The following GNB1 variants were observed in gnomAD, a reference collection of about 807,000 sequenced individuals.
GNB1 encodes guanine nucleotide-binding protein G(I)/G(S)/G(T) subunit beta-1.
A neutral mutation model predicts 42.9 loss-of-function variants in GNB1; 2 were observed. The observed-to-expected ratio is 0.05, with a 90% CI of 0.02 to 0.15. The LOEUF is 0.15. GNB1 is among the 10% of genes least tolerant of loss of function. The probability of loss-of-function intolerance (pLI) is 1.00; values close to 1 mark genes in which losing one functional copy is unlikely to be tolerated. For synonymous variants in GNB1, 183 were observed against 174.7 expected, an observed-to-expected ratio of 1.05 and a Z score of -0.38; for missense variants, 193 against 462.2, an observed-to-expected ratio of 0.42 and a Z score of 5.34.
chr1:1,838,720 A>G (rs1002867878), intron 2 of GNB1, among the ~76,000 whole-genome samples: 2 of 152,160 alleles, frequency 1.3e-5, no homozygotes, highest in Non-Finnish European at 1.5e-5. Context: ...CTGGGATTAC[A>G]GGCATCAGCC....
At chr1:1,789,496 C>A (rs1042227806) in intron 9 of GNB1, among the ~76,000 whole-genome samples, 4 of 152,094 alleles carry the variant, frequency 2.6e-5, no homozygotes, top group Non-Finnish European at 4.4e-5. Context: ...AGTTTGAGAC[C>A]AGCCTGACCA....
chr1:1,881,128 C>T (rs1649823253), intron 1 of GNB1, among the ~76,000 whole-genome samples: 1 of 152,136 alleles, frequency 6.6e-6, no homozygotes, highest in African/African-American at 2.4e-5. Context: ...ACTCCTCAAA[C>T]CCAACACACA....
At chr1:1,821,262 G>A (rs1646927235) in intron 3 of GNB1, among the ~76,000 whole-genome samples, 2 of 152,190 alleles carry the variant, frequency 1.3e-5, no homozygotes, top group African/African-American at 4.8e-5. Flanking sequence ...TGCCGCTCCA[G>A]AACACATCTA....
chr1:1,793,158 A>G, intron 8 of GNB1, 87 bp downstream of exon 8: 2 of 761,988 alleles, frequency 2.6e-6, no homozygotes, highest in Non-Finnish European at 4.5e-6. Flanking sequence ...TATTATGTCA[A>G]GAACCTTATT....
intron 1 of GNB1, among the ~76,000 whole-genome samples, chr1:1,864,337 G>GAAAAAA (rs1245850367): frequency 2.2e-5 from 2 of 91,160 alleles, no homozygotes; most frequent in Non-Finnish European, 4.2e-5. Flanking sequence ...AAAAAAAAAA[G>GAAAAAA]AAGAAAACCC....
At chr1:1,836,774 C>T (rs529102786) in intron 2 of GNB1, among the ~76,000 whole-genome samples, 1 of 152,142 alleles carries the variant, frequency 6.6e-6, no homozygotes, top group East Asian at 1.9e-4. Flanking sequence ...TGTTCTCGAA[C>T]TCCCAACCTC....
intron 1 of GNB1, among the ~76,000 whole-genome samples, chr1:1,876,279 T>C (rs1649539105): frequency 6.6e-6 from 1 of 152,112 alleles, no homozygotes; most frequent in Admixed American, 6.6e-5. Context: ...AGGGTAGAAA[T>C]CAAGTGCCCA....
At chr1:1,840,539 G>A (rs1168376305) in intron 1 of GNB1, among the ~76,000 whole-genome samples, 3 of 151,396 alleles carry the variant, frequency 2.0e-5, no homozygotes, top group Non-Finnish European at 4.4e-5. Context: ...AAACACACAC[G>A]CACACACACA....
chr1:1,866,484 C>T (rs1320830672), intron 1 of GNB1, among the ~76,000 whole-genome samples: 1 of 152,158 alleles, frequency 6.6e-6, no homozygotes, highest in African/African-American at 2.4e-5. Flanking sequence ...GCACAGTATG[C>T]CATTCCAAGT....
rs1648844238 is a variant in GNB1 at position 1,864,982 on chromosome 1, G to A, written c.-95-25744C>T. Among the ~76,000 whole-genome samples, 6 of 152,198 alleles carry A rather than the reference G, an allele frequency of 3.9e-5. No individual in the cohort carries two copies. In the South Asian group the frequency reaches 1.2e-3, roughly 31 times the overall value. Reference sequence around the variant, plus strand: ...TCTGTTATAAAAACTACCAGGCCAGGCCAGGCGTGGTGGCTCATGCCTGTA... The same window carrying A: ...TCTGTTATAAAAACTACCAGGCCAGACCAGGCGTGGTGGCTCATGCCTGTA... On this transcript the variant is annotated intron_variant, in intron 1 of 11. Transcript: ENST00000378609.
chr1:1,834,747 C>T (rs892546639), intron 2 of GNB1, among the ~76,000 whole-genome samples: 1 of 149,236 alleles, frequency 6.7e-6, no homozygotes, highest in Non-Finnish European at 1.5e-5. Flanking sequence ...CGGCTCAGTG[C>T]AACCTCCGCC....
At chr1:1,888,050 G>A (rs1650251912) in intron 1 of GNB1, among the ~76,000 whole-genome samples, 1 of 152,264 alleles carries the variant, frequency 6.6e-6, no homozygotes, top group South Asian at 2.1e-4. Context: ...ATTAACTGAA[G>A]ATATCAAAGA....
At chr1:1,851,363 T>C (rs763567313) in intron 1 of GNB1, among the ~76,000 whole-genome samples, 3 of 146,022 alleles carry the variant, frequency 2.1e-5, no homozygotes, top group Non-Finnish European at 3.0e-5. Context: ...TGAGCCGAGA[T>C]TGCACCATTG....
intron 1 of GNB1, among the ~76,000 whole-genome samples, chr1:1,879,387 C>A (rs879780146): frequency 8.7e-4 from 132 of 152,294 alleles, no homozygotes; most frequent in Non-Finnish European, 1.7e-3. Context: ...CTGCATGTTA[C>A]CATACATAAC....
intron 1 of GNB1, among the ~76,000 whole-genome samples, chr1:1,862,021 C>T (rs943903127): frequency 1.3e-5 from 2 of 151,844 alleles, no homozygotes; most frequent in African/African-American, 2.4e-5. Context: ...GAGCTGAGAT[C>T]GCACCACTGC....
intron 7 of GNB1, among the ~76,000 whole-genome samples, chr1:1,803,153 A>T (rs1646648323): frequency 6.6e-6 from 1 of 152,250 alleles, no homozygotes; most frequent in African/African-American, 2.4e-5. Context: ...AATGTCTGAG[A>T]ACAAATAATA....
intron 7 of GNB1, among the ~76,000 whole-genome samples, chr1:1,797,564 A>C (rs1406992413): frequency 6.6e-6 from 1 of 152,014 alleles, no homozygotes; most frequent in Non-Finnish European, 1.5e-5. Flanking sequence ...CAGCCTCCCA[A>C]GTAGCTGGGA....
At chr1:1,848,247 C>T (rs910112523) in intron 1 of GNB1, among the ~76,000 whole-genome samples, 5 of 150,580 alleles carry the variant, frequency 3.3e-5, no homozygotes, top group Admixed American at 6.6e-5. Flanking sequence ...GGCATGGTGG[C>T]GGGCGCCTGT....
At chr1:1,820,512 A>T (rs1646918238) in intron 3 of GNB1, among the ~76,000 whole-genome samples, 1 of 152,140 alleles carries the variant, frequency 6.6e-6, no homozygotes, top group South Asian at 2.1e-4. Flanking sequence ...CTATGCAAGC[A>T]GTAACATTTG....
Sources: allele counts gnomAD v4.1 joint callset (sites outside exome capture counted in the v4.1 genomes callset), GRCh38; gene constraint gnomAD v4.1.1; transcripts MANE v1.5; gene names NCBI Gene and HGNC (gene_info 2026-07-23, HGNC 2026-07-21).